Variants in SSH2 observed in about 807,000 individuals in gnomAD.
SSH2 encodes the protein protein phosphatase Slingshot homolog 2.
SSH2 carries 37 observed loss-of-function variants against 135.2 expected under a neutral mutation model. The ratio of observed to expected loss-of-function variants is 0.27; its 90% CI spans 0.21 to 0.36. The LOEUF (loss-of-function observed/expected upper bound fraction) is 0.36, where lower values mean the gene tolerates loss of function less well. Ranked by LOEUF, SSH2 falls within the 10% of genes least tolerant of loss-of-function variation. The probability of loss-of-function intolerance (pLI) is 1.00; values close to 1 mark genes in which losing one functional copy is unlikely to be tolerated. For synonymous variants in SSH2, 628 were observed against 646.2 expected (o/e 0.97, Z 0.43); for missense variants, 1,408 against 1,765.3 (o/e 0.80, Z 3.63).
At chr17:29,634,252 T>A (rs1018715020) in intron 15 of SSH2, among the ~76,000 whole-genome samples, 1 of 152,172 alleles carries the variant, frequency 6.6e-6, no homozygotes, top group Non-Finnish European at 1.5e-5. Context: ...GCGGTAAATA[T>A]AAGCAGACAG....
intron 1 of SSH2, among the ~76,000 whole-genome samples, chr17:29,921,575 T>A (rs781590444): frequency 2.6e-5 from 4 of 152,122 alleles, no homozygotes; most frequent in Non-Finnish European, 4.4e-5. Context: ...GATCCATGTG[T>A]CAAATACTTT....
chr17:29,666,249 T>C (rs2037269975), intron 11 of SSH2, among the ~76,000 whole-genome samples: 1 of 152,142 alleles, frequency 6.6e-6, no homozygotes. Context: ...TGGCACACGC[T>C]TGTGGTCCCA....
intron 3 of SSH2, among the ~76,000 whole-genome samples, chr17:29,775,022 C>T (rs894575345): frequency 1.3e-5 from 2 of 152,090 alleles, no homozygotes; most frequent in Non-Finnish European, 2.9e-5. Context: ...CCATGCCTAG[C>T]TGGATTGCAG....
chr17:29,755,584 G>A (rs1250036720), intron 3 of SSH2, among the ~76,000 whole-genome samples: 2 of 151,870 alleles, frequency 1.3e-5, no homozygotes, highest in African/African-American at 4.8e-5. Context: ...CCCACACTCC[G>A]AAAGTCATAA....
intron 2 of SSH2, among the ~76,000 whole-genome samples, chr17:29,846,634 TTCA>T (rs2043137164): frequency 6.6e-6 from 1 of 152,238 alleles, no homozygotes; most frequent in Admixed American, 6.5e-5. Context: ...CCATTCCAGA[TTCA>T]TCAACACTGA....
chr17:29,796,235 CT>C (rs1397421072), intron 2 of SSH2, among the ~76,000 whole-genome samples: 1 of 152,110 alleles, frequency 6.6e-6, no homozygotes, highest in Non-Finnish European at 1.5e-5. Context: ...CCAGTTTATA[CT>C]TTTTTTGTTT....
intron 3 of SSH2, chr17:29,716,707 T>C: frequency 1.7e-6 from 1 of 599,948 alleles, no homozygotes; most frequent in Admixed American, 1.9e-5. Flanking sequence ...TACTGGAAGA[T>C]GGCAGTTCCG....
chr17:29,638,509 TACACACACACAC>T lies in SSH2; in HGVS notation c.1428-1719_1428-1708del, dbSNP rs71138839. On this transcript the variant is annotated intron_variant, in intron 14 of 15. Transcript: ENST00000540801. ...GGGAAGGCTTTTACTTTCTATATTTTACACACACACACACACACACACACACACACACACACA... is the reference window on the plus strand; with the variant it reads ...GGGAAGGCTTTTACTTTCTATATTTTACACACACACACACACACACACACA... Among the ~76,000 whole-genome samples, 1,116 of 128,946 alleles carry T rather than the reference TACACACACACAC, an allele frequency of 8.7e-3. 12 individuals carry two copies. Among genetic ancestry groups the T allele is most frequent in the African/African-American group, 0.027 (896 of 33,806 alleles). 84.6% of individuals were successfully genotyped at this position (128,946 alleles called of 152,430 possible). A position where few individuals can be genotyped will look rare whatever the true frequency, so the allele number is the denominator to read the frequency against.
intron 3 of SSH2, among the ~76,000 whole-genome samples, chr17:29,783,832 C>T (rs567938076): frequency 1.7e-4 from 26 of 151,428 alleles, no homozygotes; most frequent in African/African-American, 5.1e-4. Context: ...TTTGGGAGGC[C>T]GAGGCGGGCG....
chr17:29,863,626 C>G (rs908666377), intron 1 of SSH2: 21 of 152,186 alleles, frequency 1.4e-4, no homozygotes, highest in African/African-American at 5.1e-4. Flanking sequence ...GTAGAGCAGA[C>G]AGACAGAACT....
At chr17:29,690,361 C>T (rs1288585406) in intron 5 of SSH2, among the ~76,000 whole-genome samples, 2 of 149,906 alleles carry the variant, frequency 1.3e-5, no homozygotes, top group East Asian at 2.0e-4. Flanking sequence ...GCCAAGATTG[C>T]GCCATTGTAC....
At chr17:29,717,177 C>A (rs868865264) in intron 3 of SSH2, among the ~76,000 whole-genome samples, 1 of 152,150 alleles carries the variant, frequency 6.6e-6, no homozygotes, top group Admixed American at 6.6e-5. Context: ...CTCTGTTCAC[C>A]CAGGCTGTAG....
intron 1 of SSH2, among the ~76,000 whole-genome samples, chr17:29,926,621 C>G (rs535082210): frequency 6.6e-6 from 1 of 152,138 alleles, no homozygotes; most frequent in East Asian, 1.9e-4. Flanking sequence ...AGCAGACTCT[C>G]CACTACCTTC....
intron 12 of SSH2, among the ~76,000 whole-genome samples, chr17:29,655,039 C>T (rs2036725512): frequency 6.6e-6 from 1 of 152,082 alleles, no homozygotes; most frequent in South Asian, 2.1e-4. Context: ...TCTTCAAAGC[C>T]CTTCAATTAA....
intron 3 of SSH2, among the ~76,000 whole-genome samples, chr17:29,754,518 A>G (rs563382725): frequency 3.3e-5 from 5 of 152,310 alleles, no homozygotes; most frequent in African/African-American, 1.2e-4. Context: ...TCATATATGA[A>G]CCAAGTAAAT....
At chr17:29,643,909 T>G (rs1275001104) in intron 14 of SSH2, among the ~76,000 whole-genome samples, 3 of 152,174 alleles carry the variant, frequency 2.0e-5, no homozygotes, top group Non-Finnish European at 2.9e-5. Flanking sequence ...AAATGCCCCT[T>G]TTCTTCAGCC....
chr17:29,657,656 G>C (rs578143989), intron 11 of SSH2, among the ~76,000 whole-genome samples: 1 of 130,472 alleles, frequency 7.7e-6, no homozygotes, highest in South Asian at 2.7e-4. Flanking sequence ...CTGCAGCCTT[G>C]AACTCCTGGG....
In SSH2 at chr17:29,778,820, T is replaced by C. The variant is rs548014856; in HGVS notation, c.188+15074A>G. ...CTGCACTCTAGCCTGGGTGACAGAG[T>C]GAGCCTCCGTCTCCCAAAAAAAAAA... On this transcript the variant is annotated intron_variant, in intron 3 of 15. Transcript: ENST00000540801. Among the ~76,000 whole-genome samples the C allele has an allele frequency of 1.7e-4, 18 of 105,498 alleles. 1 individual carries two copies. Among genetic ancestry groups the C allele is most frequent in the African/African-American group, 7.4e-4 (18 of 24,426 alleles). The allele number at this position is 105,498 out of a possible 152,430, so 69.2% of individuals were successfully genotyped here. A position where few individuals can be genotyped will look rare whatever the true frequency, so the allele number is the denominator to read the frequency against.
intron 9 of SSH2, among the ~76,000 whole-genome samples, chr17:29,668,354 G>T (rs142126721): frequency 1.2e-4 from 19 of 152,236 alleles, no homozygotes; most frequent in African/African-American, 4.3e-4. Flanking sequence ...TCTTAACTAG[G>T]ATTAAAATTC....
Sources: gnomAD v4.1 joint callset for allele counts (sites outside exome capture counted in the v4.1 genomes callset) on GRCh38, gnomAD v4.1.1 for gene constraint, MANE v1.5 for transcripts, NCBI Gene and HGNC (gene_info 2026-07-23, HGNC 2026-07-21) for gene names.